The following FHIT variants were observed in gnomAD, a reference collection of about 807,000 sequenced individuals.
FHIT encodes fragile histidine triad diadenosine triphosphatase.
Under a neutral mutation model 17.9 loss-of-function variants are expected in FHIT, and 19 were observed. That is an observed-to-expected ratio of 1.06 (90% confidence interval 0.74 to 1.56). The LOEUF (loss-of-function observed/expected upper bound fraction) is 1.56. FHIT is among the 40% of genes most tolerant of loss of function. FHIT has a pLI of 0.00. For missense variants in FHIT, 248 were observed against 189.2 expected, an observed-to-expected ratio of 1.31 and a Z score of -1.82; for synonymous variants, 81 against 69.7, an observed-to-expected ratio of 1.16 and a Z score of -0.81.
chr3:60,280,202 G>C (rs1022825120), intron 5 of FHIT, among the ~76,000 whole-genome samples: 22 of 152,024 alleles, frequency 1.4e-4, no homozygotes, highest in Middle Eastern at 3.4e-3. Flanking sequence ...CAGCAAACTA[G>C]GAATAGATGA....
chr3:60,598,348 T>C (rs2038335902), intron 4 of FHIT, among the ~76,000 whole-genome samples: 1 of 152,182 alleles, frequency 6.6e-6, no homozygotes, highest in African/African-American at 2.4e-5. Flanking sequence ...CTCAGAATTA[T>C]TAATAAACTT....
intron 2 of FHIT, among the ~76,000 whole-genome samples, chr3:61,044,090 G>A (rs28816764): frequency 0.13 from 19,437 of 152,202 alleles, 1,294 homozygotes; most frequent in South Asian, 0.17. Flanking sequence ...CGAAAGGAAC[G>A]CAGCTGCTCG....
intron 5 of FHIT, among the ~76,000 whole-genome samples, chr3:60,120,164 T>C (rs1182136712): frequency 2.6e-5 from 4 of 152,210 alleles, no homozygotes; most frequent in Non-Finnish European, 5.9e-5. Context: ...TCCCACAATA[T>C]ACAGCACAAT....
Position 59,798,084 on chromosome 3 carries a change from G to A in FHIT, c.349-45763C>T, listed in dbSNP as rs1012567517. Reference sequence around the variant, plus strand: ...TTCAACACCATGGCTCCATTTCTCAGAGCCACCCTACTGGGAAACATGCCA... The same window carrying A: ...TTCAACACCATGGCTCCATTTCTCAAAGCCACCCTACTGGGAAACATGCCA... On this transcript the variant is annotated intron_variant, in intron 8 of 9. Transcript: ENST00000492590. Among the ~76,000 whole-genome samples, 4 of 152,220 alleles carry A rather than the reference G, an allele frequency of 2.6e-5. No individual in the cohort carries two copies. In the East Asian group the frequency reaches 7.7e-4, roughly 29 times the overall value.
intron 4 of FHIT, among the ~76,000 whole-genome samples, chr3:60,576,599 T>C (rs78744604): frequency 0.019 from 2,963 of 152,222 alleles, 112 homozygotes; most frequent in African/African-American, 0.067. Context: ...ATGACGTTAA[T>C]CAATTTATTT....
intron 3 of FHIT, among the ~76,000 whole-genome samples, chr3:60,944,972 G>A (rs782257164): frequency 3.3e-5 from 5 of 152,116 alleles, no homozygotes; most frequent in South Asian, 2.1e-4. Flanking sequence ...CCAGTGTCAC[G>A]GAAGTTATAT....
intron 5 of FHIT, among the ~76,000 whole-genome samples, chr3:60,332,023 C>A (rs1217742154): frequency 6.6e-6 from 1 of 151,982 alleles, no homozygotes; most frequent in East Asian, 1.9e-4. Context: ...AGGGGTGTAT[C>A]CAACAAGGGA....
chr3:59,829,248 A>G (rs1380439894), intron 8 of FHIT, among the ~76,000 whole-genome samples: 1 of 152,176 alleles, frequency 6.6e-6, no homozygotes, highest in Non-Finnish European at 1.5e-5. Context: ...CTGAAAACTT[A>G]TCTTTGGTCT....
chr3:60,774,550 C>A (rs1429842975), intron 4 of FHIT, among the ~76,000 whole-genome samples: 1 of 152,094 alleles, frequency 6.6e-6, no homozygotes, highest in Non-Finnish European at 1.5e-5. Context: ...ATCTGCCCAC[C>A]TTGACCTCCC....
At chr3:60,190,200 A>C (rs1385705425) in intron 5 of FHIT, among the ~76,000 whole-genome samples, 1 of 152,200 alleles carries the variant, frequency 6.6e-6, no homozygotes, top group Non-Finnish European at 1.5e-5. Flanking sequence ...ATGACATCAC[A>C]GAACCAAAAT....
At chr3:61,196,031 T>G (rs1176238186) in intron 2 of FHIT, among the ~76,000 whole-genome samples, 1 of 152,204 alleles carries the variant, frequency 6.6e-6, no homozygotes, top group Non-Finnish European at 1.5e-5. Context: ...CCTGTTGATT[T>G]AAATAAAAAT....
At chr3:60,895,153 C>T (rs1197212994) in intron 3 of FHIT, among the ~76,000 whole-genome samples, 2 of 152,206 alleles carry the variant, frequency 1.3e-5, no homozygotes, top group Non-Finnish European at 2.9e-5. Context: ...ATGTCATTAA[C>T]ATTCTTGAAG....
intron 3 of FHIT, among the ~76,000 whole-genome samples, chr3:60,880,606 C>A: frequency 6.6e-6 from 1 of 152,168 alleles, no homozygotes. Flanking sequence ...GTGGCACATG[C>A]CTGTAATCCC....
At chr3:60,412,077 A>G (rs138615444) in intron 5 of FHIT, among the ~76,000 whole-genome samples, 57 of 152,150 alleles carry the variant, frequency 3.7e-4, no homozygotes, top group Middle Eastern at 6.8e-3. Context: ...TTTAGCTTGG[A>G]AAGTTTTAAA....
At chr3:60,040,371 C>T (rs1701387882) in intron 5 of FHIT, among the ~76,000 whole-genome samples, 1 of 152,116 alleles carries the variant, frequency 6.6e-6, no homozygotes, top group South Asian at 2.1e-4. Context: ...GTCTCGATCT[C>T]TTGACCTGGT....
chr3:60,918,273 G>A (rs533171116), intron 3 of FHIT, among the ~76,000 whole-genome samples: 9 of 152,140 alleles, frequency 5.9e-5, no homozygotes, highest in Non-Finnish European at 1.3e-4. Context: ...CTAGCAGTGT[G>A]AGAACTGACT....
At chr3:60,550,423 C>A (rs9850904) in intron 4 of FHIT, among the ~76,000 whole-genome samples, 36,815 of 151,988 alleles carry the variant, frequency 0.24, 4,757 homozygotes, top group Middle Eastern at 0.33. Context: ...CATTTTTATA[C>A]AAAGAGAATT....
intron 4 of FHIT, among the ~76,000 whole-genome samples, chr3:60,552,786 G>A (rs971490998): frequency 2.6e-5 from 4 of 152,174 alleles, no homozygotes; most frequent in Non-Finnish European, 5.9e-5. Context: ...AGTGAGAGAA[G>A]GAAAGATAAT....
At chr3:60,018,491 T>C (rs1287277849) in intron 5 of FHIT, among the ~76,000 whole-genome samples, 1 of 152,104 alleles carries the variant, frequency 6.6e-6, no homozygotes, top group Non-Finnish European at 1.5e-5. Context: ...GAGACCAACA[T>C]GCTATAAAAA....
Sources: allele counts gnomAD v4.1 joint callset (sites outside exome capture counted in the v4.1 genomes callset), GRCh38; gene constraint gnomAD v4.1.1; transcripts MANE v1.5; gene names NCBI Gene and HGNC (gene_info 2026-07-23, HGNC 2026-07-21).